The following TOP3A variants were observed in gnomAD, a reference collection of about 807,000 sequenced individuals.
TOP3A encodes the protein DNA topoisomerase 3-alpha.
TOP3A carries 64 observed loss-of-function variants against 111.3 expected under a neutral mutation model. That is an observed-to-expected ratio of 0.57 (90% CI 0.47 to 0.71). The LOEUF is 0.71. Ranked by LOEUF, TOP3A falls within the 30% of genes least tolerant of loss-of-function variation. The pLI is 0.00. For missense variants in TOP3A, 1,104 were observed against 1,285.0 expected (o/e 0.86, Z 2.15); for synonymous variants, 484 against 485.1 (o/e 1.00, Z 0.03).
intron 18 of TOP3A, among the ~76,000 whole-genome samples, chr17:18,276,616 G>A (rs1481983036): frequency 2.0e-5 from 3 of 152,178 alleles, no homozygotes; most frequent in Non-Finnish European, 2.9e-5. Context: ...AGGCAGAGAG[G>A]CTAAGTCATT....
rs1201291494 is a variant in TOP3A at position 18,297,437 on chromosome 17, T to TCTCCCCAC, written c.990+2121_990+2122insGTGGGGAG. On this transcript the variant is annotated intron_variant, in intron 9 of 18. Transcript: ENST00000321105. ...CGAAACTGCGCCCTGTCCCTGTCCC[T>TCTCCCCAC]GTCCCTCTCCCTCTCCCCACGGTCT... Among the ~76,000 whole-genome samples the TCTCCCCAC allele has an allele frequency of 2.0e-3, 299 of 151,598 alleles. 1 individual carries two copies. The highest frequency in any genetic ancestry group is 6.9e-3 in the African/African-American group (285 of 41,212).
chr17:18,290,726 C>T (rs1354719470), intron 12 of TOP3A, 40 bp from the exon 13 acceptor site: 2 of 1,577,530 alleles, frequency 1.3e-6, no homozygotes, highest in African/African-American at 1.3e-5. Context: ...ATGATTCCAT[C>T]AGCACACTCA....
rs948435314 is a variant in TOP3A at position 18,308,737 on chromosome 17, T to C, written c.240+145A>G. 9.7e-6 allele frequency: 5 copies of C among 514,388 alleles called. No homozygotes were observed. The African/African-American group carries it at 9.9e-5, about 10-fold the overall frequency. The allele number at this position is 514,388 out of a possible 1,614,324, so 31.9% of individuals were successfully genotyped here. A position where few individuals can be genotyped will look rare whatever the true frequency, so the allele number is the denominator to read the frequency against. On this transcript the variant is annotated intron_variant, in intron 2 of 18. Transcript: ENST00000321105. ...TATTAAAAAGAGAACTCCTCATAAA[T>C]TATAAAGTGATCACCCCATATCCAG... is the stretch of plus-strand genomic sequence containing the variant.
At chr17:18,290,524 AAG>A in intron 13 of TOP3A, 31 bp downstream of exon 13, 2 of 1,531,368 alleles carry the variant, frequency 1.3e-6, no homozygotes, top group South Asian at 2.6e-5. Context: ...GCCTTAGCTC[AAG>A]AGATGCGAGT....
chr17:18,288,630 C>A (rs548229264), intron 13 of TOP3A, among the ~76,000 whole-genome samples: 58 of 152,216 alleles, frequency 3.8e-4, no homozygotes, highest in Admixed American at 1.5e-3. Flanking sequence ...TCTATGGCCA[C>A]CCCCCTCCAA....
rs943424659 is a variant in TOP3A, at chr17:18,271,570, G to C, written c.*3232C>G. On this transcript the variant is annotated 3_prime_UTR_variant, in exon 19 of 19. Coordinates refer to ENST00000321105, the MANE Select transcript of TOP3A (RefSeq NM_004618.5). ...GCTGCACACCCAGGGTGGCAGAAGAGGCCAGGAAGTGGGAGCTGAGCCTGG... is the reference window on the plus strand; with the variant it reads ...GCTGCACACCCAGGGTGGCAGAAGACGCCAGGAAGTGGGAGCTGAGCCTGG... 4.0e-6 allele frequency: 1 copy of C among 248,506 alleles called. No individual in the cohort carries two copies. Among genetic ancestry groups the C allele is most frequent in the Admixed American group, 5.7e-5 (1 of 17,500 alleles). 15.4% of individuals were successfully genotyped at this position (248,506 alleles called of 1,614,324 possible).
intron 3 of TOP3A, among the ~76,000 whole-genome samples, chr17:18,307,810 T>A (rs1249032550): frequency 6.7e-6 from 1 of 148,708 alleles, no homozygotes; most frequent in Non-Finnish European, 1.5e-5. Context: ...CTTGGGAAAC[T>A]GAGGCATGAG....
intron 16 of TOP3A, among the ~76,000 whole-genome samples, chr17:18,281,215 T>C (rs1979735977): frequency 6.6e-6 from 1 of 152,208 alleles, no homozygotes; most frequent in African/African-American, 2.4e-5. Flanking sequence ...GACTAGCTAA[T>C]ATGCATGTGA....
At chr17:18,304,917 T>C (rs1010961464) in intron 5 of TOP3A, among the ~76,000 whole-genome samples, 195 bp downstream of exon 5, 6 of 152,156 alleles carry the variant, frequency 3.9e-5, no homozygotes, top group Non-Finnish European at 7.3e-5. Flanking sequence ...ATTGGCCTGA[T>C]GTTAGAGACA....
chr17:18,272,517 C>T lies in TOP3A; in HGVS notation c.*2285G>A, dbSNP rs1802890971. On this transcript the variant is annotated 3_prime_UTR_variant, in exon 19 of 19. Transcript: ENST00000321105. ...ATTCACAATAGCCAAAAAGTGGAAA[C>T]AACCCAATGTCCATCAACTGACAAA... Among the ~76,000 whole-genome samples, 1 of 152,196 alleles carries T rather than the reference C, an allele frequency of 6.6e-6. No homozygotes were observed. Among genetic ancestry groups the T allele is most frequent in the African/African-American group, 2.4e-5 (1 of 41,444 alleles).
In TOP3A at chr17:18,272,145, C is replaced by T. The variant is rs1979033818; in HGVS notation, c.*2657G>A. On this transcript the variant is annotated 3_prime_UTR_variant, in exon 19 of 19. Transcript: ENST00000321105. ...TCTCCAAAGAATGTATACCAATGGC[C>T]AGTAAGCCTGTGGAAAGATGGTCAA... Among the ~76,000 whole-genome samples the T allele has an allele frequency of 6.6e-6, 1 of 152,090 alleles. No homozygotes were observed.
In TOP3A at chr17:18,308,898, T is replaced by A. The variant is rs1291366595; in HGVS notation, c.224A>T (p.Tyr75Phe). 6.4e-7 allele frequency: 1 copy of A among 1,569,146 alleles called. No individual in the cohort carries two copies. Among genetic ancestry groups the A allele is most frequent in the Non-Finnish European group, 8.7e-7 (1 of 1,153,682 alleles). The change falls in exon 2 of 19, where the codon TAT (tyrosine) becomes TTT (phenylalanine). Residue 75 changes from tyrosine (Y) to phenylalanine (F), a missense_variant. Coordinates refer to ENST00000321105, the MANE Select transcript of TOP3A (RefSeq NM_004618.5). ...AGCACCTACCTGGCCATACAGATGA[T>A]AATCAAATTCATAGATCTTGTTGAA... ...SKFNKIYEFD[Y>F]HLYGQNVTMV...
At chr17:18,301,389 G>A (rs532373035) in intron 8 of TOP3A, among the ~76,000 whole-genome samples, 11 of 152,136 alleles carry the variant, frequency 7.2e-5, no homozygotes, top group African/African-American at 2.6e-4. Flanking sequence ...CTCTGCTCAA[G>A]TGTTACCCCT....
chr17:18,314,509 G>T, intron 1 of TOP3A, 90 bp downstream of exon 1: 1 of 1,398,946 alleles, frequency 7.1e-7, no homozygotes, highest in East Asian at 2.5e-5. Flanking sequence ...GGAGATAATC[G>T]CCTTCATCTC....
intron 13 of TOP3A, among the ~76,000 whole-genome samples, chr17:18,287,171 GA>G (rs941342550): frequency 3.3e-4 from 50 of 152,216 alleles, no homozygotes; most frequent in African/African-American, 1.2e-3. Context: ...GTTGAGGTAG[GA>G]GGACAGTTTG....
chr17:18,302,528 C>G, intron 6 of TOP3A, 52 bp downstream of exon 6: 1 of 1,598,620 alleles, frequency 6.3e-7, no homozygotes, highest in Non-Finnish European at 8.5e-7. Flanking sequence ...CATTTTTGGT[C>G]CCATAACACA....
rs115339888 is a variant in TOP3A, at chr17:18,308,806, A to G, written c.240+76T>C. 2.5e-3 allele frequency: 2,350 copies of G among 937,362 alleles called. 39 individuals are homozygous for G. In the African/African-American group the frequency reaches 0.036, roughly 14 times the overall value. The allele number at this position is 937,362 out of a possible 1,614,324, so 58.1% of individuals were successfully genotyped here. A position where few individuals can be genotyped will look rare whatever the true frequency, so the allele number is the denominator to read the frequency against. ...CAGTTGTTATTCTTAAGACAGCGAC[A>G]TATTCTACATATGACGAGGCTGACT... On this transcript the variant is annotated intron_variant, in intron 2 of 18. Transcript: ENST00000321105.
chr17:18,308,404 A>C lies in TOP3A; in HGVS notation c.261T>G (p.Thr87=), dbSNP rs1567752431. The change falls in exon 3 of 19, where the codon ACT becomes ACG. Residue 87 remains threonine, a synonymous_variant. Coordinates refer to ENST00000321105, the MANE Select transcript of TOP3A (RefSeq NM_004618.5). ...LYGQNVTMVM[T]SVSGHLLAHD... Reference sequence around the variant, plus strand: ...GAGCCAGTAAATGTCCAGAAACTGAAGTCATTACCATGGTAACATTCTGAA... The same window carrying C: ...GAGCCAGTAAATGTCCAGAAACTGACGTCATTACCATGGTAACATTCTGAA... 1 of 1,604,956 alleles carries C rather than the reference A, an allele frequency of 6.2e-7. No individual in the cohort carries two copies. Among genetic ancestry groups the C allele is most frequent in the Non-Finnish European group, 8.5e-7 (1 of 1,174,718 alleles).
At chr17:18,278,444 C>A in intron 17 of TOP3A, 87 bp from the exon 18 acceptor site, 1 of 1,233,572 alleles carries the variant, frequency 8.1e-7, no homozygotes, top group African/African-American at 1.5e-5. Flanking sequence ...AGCCCTAGGC[C>A]TCTCTCCACC....
Sources: allele counts gnomAD v4.1 joint callset (sites outside exome capture counted in the v4.1 genomes callset), GRCh38; gene constraint gnomAD v4.1.1; transcripts MANE v1.5; gene names NCBI Gene and HGNC (gene_info 2026-07-23, HGNC 2026-07-21).